PIGN: variants seen among roughly 807,000 people sequenced by gnomAD.
PIGN encodes the protein GPI ethanolamine phosphate transferase 1.
PIGN carries 117 observed loss-of-function variants against 125.4 expected under a neutral mutation model. The observed-to-expected ratio is 0.93, with a 90% CI of 0.80 to 1.09. The LOEUF (loss-of-function observed/expected upper bound fraction) is 1.09. Among genes scored for constraint, PIGN ranks in the 50% least tolerant of loss-of-function variants. The pLI is 0.00. For synonymous variants in PIGN, 392 were observed against 377.8 expected, an observed-to-expected ratio of 1.04 and a Z score of -0.44; for missense variants, 1,075 against 1,094.9, an observed-to-expected ratio of 0.98 and a Z score of 0.26.
At position 62,167,134 on chromosome 18, in the gene PIGN, G is replaced by T. The variant is rs189307851; in HGVS notation, c.-235-3478C>A. On this transcript the variant is annotated intron_variant, in intron 1 of 30. Coordinates refer to ENST00000640252, the MANE Select transcript of PIGN (RefSeq NM_176787.5). ...AGAATGTAAGCTCCTTAAGAACACA[G>T]ACTGACACCTCGTTCTCTCCCGTAT... Among the ~76,000 whole-genome samples, 6 of 152,106 alleles carry T rather than the reference G, an allele frequency of 3.9e-5. No individual in the cohort carries two copies. In the East Asian group the frequency reaches 1.2e-3, roughly 29 times the overall value.
chr18:62,152,806 T>C (rs2036584468), intron 7 of PIGN, among the ~76,000 whole-genome samples: 2 of 152,064 alleles, frequency 1.3e-5, no homozygotes, highest in African/African-American at 4.8e-5. Flanking sequence ...CTGGGGACTG[T>C]CTGCAAACAC....
intron 4 of PIGN, among the ~76,000 whole-genome samples, chr18:62,159,531 T>C (rs1280383555): frequency 6.6e-6 from 1 of 152,236 alleles, no homozygotes; most frequent in Non-Finnish European, 1.5e-5. Context: ...TAGAAATTTG[T>C]TACAGATTTT....
At chr18:62,148,706 A>G (rs1394750453) in intron 7 of PIGN, among the ~76,000 whole-genome samples, 1 of 152,108 alleles carries the variant, frequency 6.6e-6, no homozygotes, top group Admixed American at 6.5e-5. Flanking sequence ...GTTTAAGAAT[A>G]ATTTATTTTT....
intron 24 of PIGN, among the ~76,000 whole-genome samples, chr18:62,090,269 T>C (rs1036672107): frequency 6.6e-6 from 1 of 152,264 alleles, no homozygotes; most frequent in East Asian, 1.9e-4. Flanking sequence ...GCCCAACCTA[T>C]ACAACAACAA....
At chr18:62,134,378 G>A (rs1014291862) in intron 14 of PIGN, among the ~76,000 whole-genome samples, 1 of 152,130 alleles carries the variant, frequency 6.6e-6, no homozygotes, top group South Asian at 2.1e-4. Flanking sequence ...GCAACAGAAC[G>A]AGAGTCAGTC....
chr18:62,178,340 G>GC (rs888108059), intron 1 of PIGN, among the ~76,000 whole-genome samples: 2 of 151,716 alleles, frequency 1.3e-5, no homozygotes, highest in African/African-American at 2.4e-5. Flanking sequence ...CTGTCACTCT[G>GC]CCCCCTTATG....
At position 62,084,586 on chromosome 18, in the gene PIGN, T is replaced by C. The variant is rs200750917; in HGVS notation, c.2447A>G (p.Tyr816Cys). Residue 816 changes from tyrosine to cysteine, a missense_variant, in exon 27 of 31, where the codon TAT becomes TGT. By Grantham distance (194) the Tyr-to-Cys change is radical. Transcript: ENST00000640252. ...SINSFDLASV[Y>C]CFLTVFSPFM... ...AGGACTGAACACAGTCAGAAAGCAA[T>C]AGACAGAGGCAAGATCAAAGCTAGG... 411 of 1,556,908 alleles carry C rather than the reference T, an allele frequency of 2.6e-4. No individual in the cohort carries two copies. Among genetic ancestry groups the C allele is most frequent in the Non-Finnish European group, 3.4e-4 (395 of 1,148,402 alleles).
intron 16 of PIGN, chr18:62,112,864 G>A (rs942086898): frequency 3.6e-5 from 14 of 389,802 alleles, no homozygotes; most frequent in Middle Eastern, 1.3e-3. Context: ...ACAGAAGGTC[G>A]ACACCATTGA....
intron 20 of PIGN, chr18:62,105,250 T>A (rs539420776): frequency 1.0e-3 from 200 of 200,408 alleles, no homozygotes; most frequent in Middle Eastern, 1.8e-3. Context: ...TACTGATTCC[T>A]CCAAGCATAA....
At chr18:62,033,820 A>AT (rs1292114161) in intron 23 of PIGN, among the ~76,000 whole-genome samples, 2 of 152,256 alleles carry the variant, frequency 1.3e-5, no homozygotes, top group Non-Finnish European at 2.9e-5. Flanking sequence ...TAATGTTCTT[A>AT]TTCAGAGGTG....
At chr18:62,119,754 G>C (rs1357910369) in intron 14 of PIGN, among the ~76,000 whole-genome samples, 1 of 151,440 alleles carries the variant, frequency 6.6e-6, no homozygotes, top group Non-Finnish European at 1.5e-5. Context: ...TGAGGCAGGA[G>C]AATTGCTTGA....
At chr18:62,085,543 A>T (rs752027193) in intron 25 of PIGN, among the ~76,000 whole-genome samples, 23 of 152,050 alleles carry the variant, frequency 1.5e-4, no homozygotes, top group Non-Finnish European at 3.1e-4. Flanking sequence ...AAGGTGGACC[A>T]TATCTGTAGT....
chr18:62,051,158 T>C (rs2031248093), intron 30 of PIGN, among the ~76,000 whole-genome samples: 1 of 150,748 alleles, frequency 6.6e-6, no homozygotes, highest in Non-Finnish European at 1.5e-5. Flanking sequence ...TGGTCTAAAA[T>C]TCTCTTTTTT....
In PIGN at chr18:62,167,713, T is replaced by TAC. The variant is rs1182550206; in HGVS notation, c.-235-4059_-235-4058dup. Among the ~76,000 whole-genome samples the TAC allele has an allele frequency of 9.4e-4, 130 of 138,610 alleles. 1 individual carries two copies. The highest frequency in any genetic ancestry group is 2.9e-3 in the African/African-American group (113 of 39,252). 90.9% of individuals were successfully genotyped at this position (138,610 alleles called of 152,430 possible). Reference sequence around the variant, plus strand: ...CTCTCTCTCTACATATATATATATATACACACACACACAATAGAAGTGTAG... The same window carrying TAC: ...CTCTCTCTCTACATATATATATATATACACACACACACACAATAGAAGTGTAG... On this transcript the variant is annotated intron_variant, in intron 1 of 30. Coordinates refer to ENST00000640252, the MANE Select transcript of PIGN (RefSeq NM_176787.5).
At chr18:62,174,491 A>G (rs1184421930) in intron 1 of PIGN, 1 of 152,204 alleles carries the variant, frequency 6.6e-6, no homozygotes, top group African/African-American at 2.4e-5. Context: ...TGAGTTCACA[A>G]AAGAACAAGC....
At position 62,114,617 on chromosome 18, in the gene PIGN, AC is replaced by A; in HGVS notation, c.1194del (p.Gln398HisfsTer5). ...GATCTTGCTTTTCTTAAAATGTTGA[AC>A]TGTTTGGAATCAGAAAGCAGTCTAT... ...TPFKLLSDSK[Q>X]FNILRKARSY... On this transcript the variant is annotated frameshift_variant, in exon 15 of 31. Coordinates refer to ENST00000640252, the MANE Select transcript of PIGN (RefSeq NM_176787.5). LOFTEE classifies it high-confidence loss of function. 6.6e-7 allele frequency: 1 copy of A among 1,516,148 alleles called. No homozygotes were observed. Among genetic ancestry groups the A allele is most frequent in the Non-Finnish European group, 9.0e-7 (1 of 1,115,776 alleles). 93.9% of individuals were successfully genotyped at this position (1,516,148 alleles called of 1,614,324 possible). A position where few individuals can be genotyped will look rare whatever the true frequency, so the allele number is the denominator to read the frequency against.
intron 9 of PIGN, 41 bp from the exon 10 acceptor site, chr18:62,146,066 G>A: frequency 2.4e-6 from 2 of 840,936 alleles, no homozygotes; most frequent in Non-Finnish European, 1.8e-6. Context: ...AAATATAGAA[G>A]AACTAACTTA....
At position 62,145,891 on chromosome 18, in the gene PIGN, G is replaced by T. The variant is rs1396543044; in HGVS notation, c.922+18C>A. 1.6e-6 allele frequency: 2 copies of T among 1,212,146 alleles called. No individual in the cohort carries two copies. Among genetic ancestry groups the T allele is most frequent in the African/African-American group, 1.5e-5 (1 of 67,212 alleles). The allele number at this position is 1,212,146 out of a possible 1,614,324, so 75.1% of individuals were successfully genotyped here. ...TTTAAGAGGTTGTATTTATAAACCA[G>T]TAAAGAAATGCTTGTACCTTTCAAA... On this transcript the variant is annotated intron_variant, in intron 10 of 30. Transcript: ENST00000640252.
intron 30 of PIGN, among the ~76,000 whole-genome samples, chr18:62,054,489 A>ATTTTC (rs2031573497): frequency 8.5e-6 from 1 of 117,312 alleles, no homozygotes; most frequent in Middle Eastern, 4.5e-3. Context: ...TTTTTTTCCT[A>ATTTTC]TTTTTTTTTT....
Sources: gnomAD v4.1 joint callset for allele counts (sites outside exome capture counted in the v4.1 genomes callset) on GRCh38, gnomAD v4.1.1 for gene constraint, MANE v1.5 for transcripts, NCBI Gene and HGNC (gene_info 2026-07-23, HGNC 2026-07-21) for gene names.